The following HPGD variants were observed in gnomAD, a reference collection of about 807,000 sequenced individuals.
HPGD encodes the protein 15-hydroxyprostaglandin dehydrogenase [NAD(+)].
Under a neutral mutation model 30.0 loss-of-function variants are expected in HPGD, and 29 were observed. The ratio of observed to expected loss-of-function variants is 0.97; its 90% confidence interval spans 0.72 to 1.32. HPGD has a LOEUF of 1.32. HPGD is among the 40% of genes most tolerant of loss of function. The pLI is 0.00. For missense variants in HPGD, 340 were observed against 322.1 expected (o/e 1.06, Z -0.43); for synonymous variants, 99 against 112.4 (o/e 0.88, Z 0.75).
chr4:174,521,865 G>GC, intron 2 of HPGD, 79 bp downstream of exon 2: 1 of 1,566,502 alleles, frequency 6.4e-7, no homozygotes, highest in Non-Finnish European at 8.8e-7. Context: ...GGCACCCAGG[G>GC]CCCCCTGGCC....
chr4:174,513,567 A>T lies in HPGD; in HGVS notation c.324+4404T>A, dbSNP rs187507855. On this transcript the variant is annotated intron_variant, in intron 3 of 6. Transcript: ENST00000296522. ...GAAAACAGTAAATATTAAAGTATAAAACGGAAGAGTAAAAATAAATGGCTT... is the reference window on the plus strand; with the variant it reads ...GAAAACAGTAAATATTAAAGTATAATACGGAAGAGTAAAAATAAATGGCTT... Among the ~76,000 whole-genome samples, 309 of 152,192 alleles carry T rather than the reference A, an allele frequency of 2.0e-3. 1 individual carries two copies. Among genetic ancestry groups the T allele is most frequent in the African/African-American group, 7.0e-3 (291 of 41,572 alleles).
Position 174,522,458 on chromosome 4 carries a change from G to A in HPGD, c.-7C>T, listed in dbSNP as rs1376760678. 1.8e-5 allele frequency: 28 copies of A among 1,566,240 alleles called. No homozygotes were observed. Among genetic ancestry groups the A allele is most frequent in the Non-Finnish European group, 2.3e-5 (27 of 1,155,176 alleles). On this transcript the variant is annotated 5_prime_UTR_variant, in exon 1 of 7. Coordinates refer to ENST00000296522, the MANE Select transcript of HPGD (RefSeq NM_000860.6). The stretch of plus-strand genomic sequence containing the variant: ...CTTTGCCGTTCACGTGCATGGTGCA[G>A]CCACTGCTGGGGCGGGCGGTGGGCG...
intron 2 of HPGD, among the ~76,000 whole-genome samples, chr4:174,520,612 T>C (rs1736054621): frequency 6.6e-6 from 1 of 152,210 alleles, no homozygotes; most frequent in South Asian, 2.1e-4. Context: ...GGAATGAGTT[T>C]ATAGCCAAGG....
intron 4 of HPGD, among the ~76,000 whole-genome samples, chr4:174,501,678 C>A (rs1734904244): frequency 1.3e-5 from 2 of 151,894 alleles, no homozygotes; most frequent in African/African-American, 4.8e-5. Flanking sequence ...GATAATAACA[C>A]TAAACAATTA....
At chr4:174,521,742 C>G (rs375632256) in intron 2 of HPGD, among the ~76,000 whole-genome samples, 1 of 152,340 alleles carries the variant, frequency 6.6e-6, no homozygotes, top group South Asian at 2.1e-4. Flanking sequence ...ATTTCTCCAG[C>G]AGTCTTGCCT....
upstream of HPGD, chr4:174,522,533 G>A: frequency 1.9e-6 from 2 of 1,057,422 alleles, no homozygotes; most frequent in Non-Finnish European, 2.6e-6. Context: ...CTGCGCGCGC[G>A]CGCGTGCAGC....
chr4:174,520,481 C>A (rs1736047498), intron 2 of HPGD, among the ~76,000 whole-genome samples: 1 of 152,154 alleles, frequency 6.6e-6, no homozygotes, highest in Non-Finnish European at 1.5e-5. Context: ...TGTCATGTTT[C>A]CTTTAGATGC....
intron 4 of HPGD, among the ~76,000 whole-genome samples, chr4:174,501,880 A>G (rs1414336134): frequency 6.6e-6 from 1 of 152,226 alleles, no homozygotes; most frequent in Non-Finnish European, 1.5e-5. Context: ...ATCATTTCAC[A>G]GAAGGTAAAA....
At position 174,493,179 on chromosome 4, in the gene HPGD, C is replaced by G. The variant is rs148874494; in HGVS notation, c.634G>C (p.Asp212His). The G allele has an allele frequency of 4.6e-5, 74 of 1,601,564 alleles. No homozygotes were observed. Among genetic ancestry groups the G allele is most frequent in the Non-Finnish European group, 5.9e-5 (69 of 1,170,028 alleles). ...QYIEYKDHIK[D>H]MIKYYGILDP... ...AAAATTCCATAGTATTTAATCATAT[C>G]CTTGATATGATCCTTATATTCTATA... The change falls in exon 6 of 7, where the codon GAT becomes CAT. Residue 212 changes from aspartate to histidine, a missense_variant. Coordinates refer to ENST00000296522, the MANE Select transcript of HPGD (RefSeq NM_000860.6).
intron 4 of HPGD, among the ~76,000 whole-genome samples, chr4:174,508,345 T>C (rs1257798886): frequency 6.6e-6 from 1 of 152,212 alleles, no homozygotes; most frequent in African/African-American, 2.4e-5. Context: ...AGCAGAGACA[T>C]CTTAACTTCA....
At chr4:174,521,268 GTATGCC>G (rs1736094813) in intron 2 of HPGD, among the ~76,000 whole-genome samples, 1 of 151,344 alleles carries the variant, frequency 6.6e-6, no homozygotes, top group Admixed American at 6.6e-5. Flanking sequence ...TGTTTATTGT[GTATGCC>G]AATATTGTCC....
At chr4:174,515,706 T>C (rs955370656) in intron 3 of HPGD, among the ~76,000 whole-genome samples, 2 of 151,394 alleles carry the variant, frequency 1.3e-5, no homozygotes, top group Non-Finnish European at 2.9e-5. Flanking sequence ...CTGGAGAAAA[T>C]ATTTGCAAAC....
chr4:174,510,023 G>T (rs1735399624), intron 3 of HPGD, among the ~76,000 whole-genome samples: 1 of 151,752 alleles, frequency 6.6e-6, no homozygotes, highest in Admixed American at 6.6e-5. Context: ...TTTAAAAAAG[G>T]AAAATTCTTT....
intron 4 of HPGD, chr4:174,507,025 A>G (rs1054351051): frequency 6.6e-6 from 1 of 152,180 alleles, no homozygotes; most frequent in African/African-American, 2.4e-5. Context: ...TTAAGAAAAT[A>G]CTAAATATCT....
At chr4:174,506,394 T>G in intron 4 of HPGD, among the ~76,000 whole-genome samples, 5 of 152,224 alleles carry the variant, frequency 3.3e-5, no homozygotes, top group Admixed American at 2.6e-4. Flanking sequence ...TTGCTTTTAC[T>G]TTTCTGTTAG....
At chr4:174,495,436 A>G (rs773500561) in intron 5 of HPGD, 112 bp downstream of exon 5, 4 of 824,466 alleles carry the variant, frequency 4.9e-6, no homozygotes, top group Admixed American at 1.9e-5. Context: ...GAGGTATGTC[A>G]TTTTTCCACC....
At position 174,496,247 on chromosome 4, in the gene HPGD, C is replaced by T. The variant is rs867134601; in HGVS notation, c.422-623G>A. ...GAAGATAGAAATAAACATTTGTGGTCCTATTTTATTTCCTTTCATAATTAT... is the reference window on the plus strand; with the variant it reads ...GAAGATAGAAATAAACATTTGTGGTTCTATTTTATTTCCTTTCATAATTAT... On this transcript the variant is annotated intron_variant, in intron 4 of 6. Coordinates refer to ENST00000296522, the MANE Select transcript of HPGD (RefSeq NM_000860.6). This position sits in a 1 kb window ranked among gnomAD's most constrained non-coding sequence, Gnocchi z 4.6. Among the ~76,000 whole-genome samples the T allele has an allele frequency of 2.0e-5, 3 of 152,122 alleles. No individual in the cohort carries two copies. In the South Asian group the frequency reaches 6.2e-4, roughly 31 times the overall value.
chr4:174,516,330 GT>G (rs1397703311), intron 3 of HPGD, among the ~76,000 whole-genome samples: 5 of 152,134 alleles, frequency 3.3e-5, no homozygotes, highest in African/African-American at 1.2e-4. Context: ...AATCATGTTG[GT>G]TGCAGCAACA....
chr4:174,498,107 C>G (rs1392270122), intron 4 of HPGD, among the ~76,000 whole-genome samples: 1 of 151,950 alleles, frequency 6.6e-6, no homozygotes, highest in African/African-American at 2.4e-5. Context: ...AGCCACCACG[C>G]CCAGCTAATT....
Sources: gnomAD v4.1 joint callset for allele counts (sites outside exome capture counted in the v4.1 genomes callset) on GRCh38, gnomAD v4.1.1 for gene constraint, Gnocchi (gnomAD v3.1) non-coding constraint, MANE v1.5 for transcripts, NCBI Gene and HGNC (gene_info 2026-07-23, HGNC 2026-07-21) for gene names.